PCDHGA4: variants seen among roughly 807,000 people sequenced by gnomAD.
PCDHGA4 encodes the protein protocadherin gamma-A4.
In PCDHGA4, 38 loss-of-function variants were observed where a neutral mutation model predicts 54.6. That is an observed-to-expected ratio of 0.70 (90% CI 0.54 to 0.91). The LOEUF (loss-of-function observed/expected upper bound fraction) is 0.91. Among genes scored for constraint, PCDHGA4 ranks in the 40% least tolerant of loss-of-function variants. PCDHGA4 has a pLI of 0.00. For synonymous variants in PCDHGA4, 511 were observed against 512.9 expected (o/e 1.00, Z 0.05); for missense variants, 1,298 against 1,220.9 (o/e 1.06, Z -0.94).
chr5:141,436,095 GA>G (rs2097795730), intron 1 of PCDHGA4, among the ~76,000 whole-genome samples: 2 of 152,112 alleles, frequency 1.3e-5, no homozygotes, highest in Non-Finnish European at 2.9e-5. Context: ...AATATTGAGA[GA>G]AATAGAGGAC....
intron 1 of PCDHGA4, chr5:141,378,010 T>C (rs1476632072): frequency 6.6e-6 from 1 of 152,212 alleles, no homozygotes; most frequent in Non-Finnish European, 1.5e-5. Flanking sequence ...TCAAATAAGC[T>C]CTACTTATAT....
chr5:141,462,781 G>A (rs893647456), intron 1 of PCDHGA4, among the ~76,000 whole-genome samples: 7 of 152,102 alleles, frequency 4.6e-5, no homozygotes, highest in African/African-American at 1.7e-4. Context: ...GTCATAATTT[G>A]TTGCTTATTT....
intron 1 of PCDHGA4, chr5:141,374,909 G>A (rs1357561534): frequency 6.2e-7 from 1 of 1,613,824 alleles, no homozygotes; most frequent in East Asian, 2.2e-5. Flanking sequence ...AGTCCACGGG[G>A]AAGTAACTTA....
In PCDHGA4 at chr5:141,486,657, T is replaced by G. The variant is rs1171065175; in HGVS notation, c.2515-8150T>G. On this transcript the variant is annotated intron_variant, in intron 1 of 3. Transcript: ENST00000571252. The surrounding 1 kb of genome is among the most constrained non-coding windows in gnomAD (Gnocchi z 5.0). ...AATGCGCTTATCTCCTACTCACTCC[T>G]GGAGCCCAGGAATCGAGATGTATCA... 3 of 1,614,010 alleles carry G rather than the reference T, an allele frequency of 1.9e-6. No homozygotes were observed. Among genetic ancestry groups the G allele is most frequent in the Non-Finnish European group, 2.5e-6 (3 of 1,180,030 alleles).
rs769671283 is a variant in PCDHGA4, at chr5:141,511,391, C to A, written c.*218C>A. 1 of 1,079,748 alleles carries A rather than the reference C, an allele frequency of 9.3e-7. No homozygotes were observed. The allele number at this position is 1,079,748 out of a possible 1,614,324, so 66.9% of individuals were successfully genotyped here. On this transcript the variant is annotated 3_prime_UTR_variant, in exon 4 of 4. Transcript: ENST00000571252. ...TGCAAAAGCAGTTCCGCTGGGAACC[C>A]CCATCCAATCAACTGCTGTACCCAT...
At chr5:141,391,498 G>A (rs974621252) in intron 1 of PCDHGA4, 1 of 151,980 alleles carries the variant, frequency 6.6e-6, no homozygotes, top group African/African-American at 2.4e-5. Flanking sequence ...TTTCAGTAGA[G>A]AAAATATTTT....
intron 1 of PCDHGA4, chr5:141,379,315 A>T (rs1364362567): frequency 1.3e-5 from 2 of 152,242 alleles, no homozygotes; most frequent in Non-Finnish European, 2.9e-5. Context: ...TAAACAAGAG[A>T]TCTAATCATA....
chr5:141,376,773 G>C (rs1773367206), intron 1 of PCDHGA4: 1 of 400,516 alleles, frequency 2.5e-6, no homozygotes, highest in South Asian at 3.1e-5. Context: ...TGCAAGCTCC[G>C]CTTCCCGGGT....
chr5:141,501,621 A>T (rs1348614977), intron 2 of PCDHGA4, among the ~76,000 whole-genome samples: 1 of 152,100 alleles, frequency 6.6e-6, no homozygotes, highest in Non-Finnish European at 1.5e-5. Context: ...ACTCTGGTAT[A>T]GTCTCTCAAC....
At chr5:141,364,165 C>T (rs556224229) in intron 1 of PCDHGA4, 4 of 699,984 alleles carry the variant, frequency 5.7e-6, no homozygotes, top group Admixed American at 7.5e-5. Context: ...CAGAGGCGAC[C>T]CGACTCTGCT....
chr5:141,453,205 G>A lies in PCDHGA4; in HGVS notation c.2515-41602G>A, dbSNP rs570291941. On this transcript the variant is annotated intron_variant, in intron 1 of 3. Coordinates refer to ENST00000571252, the MANE Select transcript of PCDHGA4 (RefSeq NM_018917.4). ...CACAGCTCACTGCAGCCTCAACCTC[G>A]TGCACTTAAGCGATCCTCCCACCTC... Among the ~76,000 whole-genome samples the A allele has an allele frequency of 1.1e-4, 17 of 151,990 alleles. No individual in the cohort carries two copies. In the East Asian group the frequency reaches 2.5e-3, roughly 22 times the overall value.
At chr5:141,375,449 TC>T in intron 1 of PCDHGA4, 1 of 1,613,978 alleles carries the variant, frequency 6.2e-7, no homozygotes, top group Non-Finnish European at 8.5e-7. Context: ...CCCCCATTCA[TC>T]CTACTCAGTC....
intron 1 of PCDHGA4, among the ~76,000 whole-genome samples, chr5:141,492,356 G>A (rs2099739649): frequency 6.6e-6 from 1 of 152,198 alleles, no homozygotes; most frequent in Non-Finnish European, 1.5e-5. Context: ...ACTGCCACTC[G>A]CTCGCGGCCA....
chr5:141,393,023 T>G (rs372159245), intron 1 of PCDHGA4: 22 of 1,613,668 alleles, frequency 1.4e-5, no homozygotes, highest in Non-Finnish European at 1.7e-5. Flanking sequence ...TCTCCAGAGG[T>G]AGGACGCAGC....
chr5:141,392,892 G>C, intron 1 of PCDHGA4: 1 of 1,613,702 alleles, frequency 6.2e-7, no homozygotes, highest in East Asian at 2.2e-5. Flanking sequence ...GTGGGAAATC[G>C]GGAGGGGACA....
At chr5:141,374,608 T>C (rs1480045739) in intron 1 of PCDHGA4, 1 of 1,613,484 alleles carries the variant, frequency 6.2e-7, no homozygotes, top group African/African-American at 1.3e-5. Flanking sequence ...TCAGTGGTAA[T>C]AGTCACTTCT....
intron 1 of PCDHGA4, among the ~76,000 whole-genome samples, chr5:141,358,380 A>G (rs58934519): frequency 0.08 from 12,098 of 152,164 alleles, 632 homozygotes; most frequent in African/African-American, 0.15. Flanking sequence ...ACACTCTACC[A>G]TGCTTTGCTT....
intron 1 of PCDHGA4, chr5:141,422,273 C>T: frequency 6.4e-7 from 1 of 1,560,808 alleles, no homozygotes; most frequent in Non-Finnish European, 8.6e-7. Flanking sequence ...CCAGAAATAA[C>T]TATCACCTCT....
At chr5:141,509,069 G>T (rs1463164307) in intron 3 of PCDHGA4, among the ~76,000 whole-genome samples, 1 of 152,174 alleles carries the variant, frequency 6.6e-6, no homozygotes, top group Non-Finnish European at 1.5e-5. Flanking sequence ...CTCAGCTCCG[G>T]GGATTTGCGA....
Sources: gnomAD v4.1 joint callset for allele counts (sites outside exome capture counted in the v4.1 genomes callset) on GRCh38, gnomAD v4.1.1 for gene constraint, Gnocchi (gnomAD v3.1) non-coding constraint, MANE v1.5 for transcripts, NCBI Gene and HGNC (gene_info 2026-07-23, HGNC 2026-07-21) for gene names.